The following CCDC192 variants were observed in gnomAD, a reference collection of about 807,000 sequenced individuals.
CCDC192 encodes coiled-coil domain containing 192.
chr5:127,869,050 C>T (rs951242806), intron 5 of CCDC192, among the ~76,000 whole-genome samples: 5 of 152,098 alleles, frequency 3.3e-5, no homozygotes, highest in Non-Finnish European at 5.9e-5. Context: ...AGGCCGGGCA[C>T]GCTGGCTCAT....
chr5:127,905,629 A>G (rs1032685605), intron 6 of CCDC192, among the ~76,000 whole-genome samples: 2 of 152,232 alleles, frequency 1.3e-5, no homozygotes, highest in Admixed American at 6.5e-5. Flanking sequence ...GCAAAATAGC[A>G]TACTTACAGC....
chr5:127,798,738 A>G (rs1256132532), intron 5 of CCDC192, among the ~76,000 whole-genome samples: 2 of 149,982 alleles, frequency 1.3e-5, no homozygotes, highest in South Asian at 2.1e-4. Flanking sequence ...TATATATTAC[A>G]TATATTTAAT....
chr5:127,831,687 A>G (rs1486959865), intron 5 of CCDC192, among the ~76,000 whole-genome samples: 2 of 152,208 alleles, frequency 1.3e-5, no homozygotes, highest in African/African-American at 4.8e-5. Flanking sequence ...TTCAACTATT[A>G]TAGCATATTC....
intron 5 of CCDC192, among the ~76,000 whole-genome samples, chr5:127,860,701 G>GA (rs1561527664): frequency 6.6e-6 from 1 of 152,138 alleles, no homozygotes; most frequent in Non-Finnish European, 1.5e-5. Context: ...GTTTGGGACA[G>GA]AAAGAATAAA....
chr5:127,929,004 A>G (rs576263506), intron 6 of CCDC192, among the ~76,000 whole-genome samples: 41 of 151,996 alleles, frequency 2.7e-4, no homozygotes, highest in African/African-American at 9.4e-4. Context: ...TGACCTCATG[A>G]TCCACCCACC....
At chr5:127,889,705 A>G (rs1752674562) in intron 6 of CCDC192, among the ~76,000 whole-genome samples, 1 of 152,024 alleles carries the variant, frequency 6.6e-6, no homozygotes, top group South Asian at 2.1e-4. Flanking sequence ...CCCAACCTCT[A>G]TTCTACTCTT....
chr5:127,883,586 ATCT>A (rs1357244254), intron 6 of CCDC192, among the ~76,000 whole-genome samples: 1 of 152,196 alleles, frequency 6.6e-6, no homozygotes, highest in Non-Finnish European at 1.5e-5. Flanking sequence ...CTAAACCAAA[ATCT>A]TCTTCCTGAT....
chr5:127,770,170 G>T (rs1430051281), intron 3 of CCDC192, among the ~76,000 whole-genome samples: 1 of 152,166 alleles, frequency 6.6e-6, no homozygotes, highest in Non-Finnish European at 1.5e-5. Context: ...GTGTAGCCTT[G>T]AATGCCTGGG....
chr5:127,753,080 G>T (rs970374634), intron 2 of CCDC192, among the ~76,000 whole-genome samples: 21 of 152,100 alleles, frequency 1.4e-4, no homozygotes, highest in Non-Finnish European at 2.4e-4. Flanking sequence ...CTTCTGCGTC[G>T]CTCAGGCTGG....
chr5:127,861,632 C>T (rs1045811429), intron 5 of CCDC192, among the ~76,000 whole-genome samples: 4 of 151,946 alleles, frequency 2.6e-5, no homozygotes, highest in Non-Finnish European at 2.9e-5. Context: ...TCCAACCTGG[C>T]GACAAAGCGA....
At chr5:127,711,201 C>T (rs772444810) in intron 2 of CCDC192, among the ~76,000 whole-genome samples, 8 of 152,046 alleles carry the variant, frequency 5.3e-5, no homozygotes, top group Non-Finnish European at 1.0e-4. Flanking sequence ...AAAAGTAAGG[C>T]TATGGGTATG....
chr5:127,752,064 C>T (rs1754214809), intron 2 of CCDC192, among the ~76,000 whole-genome samples: 1 of 152,136 alleles, frequency 6.6e-6, no homozygotes, highest in Non-Finnish European at 1.5e-5. Context: ...GTTTGAACGT[C>T]CTCCCGTAGC....
chr5:127,747,266 C>T (rs1188203212), intron 2 of CCDC192, among the ~76,000 whole-genome samples: 1 of 151,946 alleles, frequency 6.6e-6, no homozygotes, highest in African/African-American at 2.4e-5. Context: ...CTCTCCCCAC[C>T]CCGCAACAGT....
At chr5:127,739,210 C>T (rs1753236988) in intron 2 of CCDC192, among the ~76,000 whole-genome samples, 1 of 152,140 alleles carries the variant, frequency 6.6e-6, no homozygotes, top group South Asian at 2.1e-4. Context: ...CAGTGTGCCC[C>T]TGCTGGGGGG....
intron 2 of CCDC192, among the ~76,000 whole-genome samples, chr5:127,718,994 A>T (rs1751803003): frequency 6.6e-6 from 1 of 152,026 alleles, no homozygotes; most frequent in Admixed American, 6.6e-5. Flanking sequence ...ACTAGATCTT[A>T]TTCATTTTCT....
chr5:127,911,699 C>CTTTTTTTTT (rs10718531), intron 6 of CCDC192, among the ~76,000 whole-genome samples: 25 of 117,338 alleles, frequency 2.1e-4, no homozygotes, highest in Non-Finnish European at 3.2e-4. Flanking sequence ...CCTTATACCA[C>CTTTTTTTTT]TTTTTTTTTT....
In CCDC192 at chr5:127,719,757, C is replaced by T. The variant is rs1295915418; in HGVS notation, c.114+11997C>T. Among the ~76,000 whole-genome samples, 3 of 148,298 alleles carry T rather than the reference C, an allele frequency of 2.0e-5. No individual in the cohort carries two copies. In the East Asian group the frequency reaches 6.0e-4, roughly 30 times the overall value. ...TTCTACAGAAAGCATGGCTGGGAGG[C>T]TTCAGAAAACTTATAATCATGGTGG... On this transcript the variant is annotated intron_variant, in intron 2 of 6. Transcript: ENST00000514853.
At chr5:127,823,153 G>C (rs1281462853) in intron 5 of CCDC192, among the ~76,000 whole-genome samples, 1 of 152,182 alleles carries the variant, frequency 6.6e-6, no homozygotes, top group Non-Finnish European at 1.5e-5. Flanking sequence ...CTTCTCCTCT[G>C]AGTACTTGCT....
chr5:127,751,929 C>G (rs1172409235), intron 2 of CCDC192, among the ~76,000 whole-genome samples: 1 of 152,094 alleles, frequency 6.6e-6, no homozygotes, highest in Non-Finnish European at 1.5e-5. Flanking sequence ...CTTCTGCATT[C>G]TTCACGTAGT....
Sources: allele counts gnomAD v4.1 joint callset (sites outside exome capture counted in the v4.1 genomes callset), GRCh38; gene constraint gnomAD v4.1.1; transcripts MANE v1.5; gene names NCBI Gene and HGNC (gene_info 2026-07-23, HGNC 2026-07-21).